Variants in ADAMTSL2 observed in about 807,000 individuals in gnomAD.
The protein encoded by ADAMTSL2 is ADAMTS like 2, also known as ADAMTS-like protein 2.
A neutral mutation model predicts 117.0 loss-of-function variants in ADAMTSL2; 55 were observed. The observed-to-expected ratio is 0.47, with a 90% CI of 0.38 to 0.59. The LOEUF (loss-of-function observed/expected upper bound fraction) is 0.59. ADAMTSL2 is among the 20% of genes least tolerant of loss of function. ADAMTSL2 has a pLI of 0.00. For synonymous variants in ADAMTSL2, 572 were observed against 566.4 expected, an observed-to-expected ratio of 1.01 and a Z score of -0.14; for missense variants, 1,182 against 1,354.5, an observed-to-expected ratio of 0.87 and a Z score of 2.00.
chr9:133,556,676 T>C (rs1830611517), intron 11 of ADAMTSL2, among the ~76,000 whole-genome samples: 1 of 152,174 alleles, frequency 6.6e-6, no homozygotes, highest in Non-Finnish European at 1.5e-5. Flanking sequence ...GGGGCAGCCA[T>C]GTCTGGGGAC....
intron 7 of ADAMTSL2, among the ~76,000 whole-genome samples, chr9:133,544,079 G>A (rs544804210): frequency 6.6e-6 from 1 of 152,368 alleles, no homozygotes; most frequent in African/African-American, 2.4e-5. Context: ...CACAAGACAG[G>A]ATTTTAAAAT....
chr9:133,573,898 G>A lies in ADAMTSL2; in HGVS notation c.2648G>A (p.Gly883Glu), dbSNP rs1831167312. The change falls in exon 18 of 19, where the codon GGG becomes GAG. Residue 883 changes from glycine (G) to glutamate (E), a missense_variant. Physicochemically the swap from Gly to Glu is moderately conservative, Grantham distance 98. Coordinates refer to ENST00000651351, the MANE Select transcript of ADAMTSL2 (RefSeq NM_014694.4). ...ATGCGAGACGTCAAGTGCTACCAGG[G>A]GACCGACATCGTCCGTGGTTGCGAT... ...VRMRDVKCYQ[G>E]TDIVRGCDPL... 2.2e-5 allele frequency: 35 copies of A among 1,614,000 alleles called. No homozygotes were observed. Among genetic ancestry groups the A allele is most frequent in the Non-Finnish European group, 2.2e-5 (26 of 1,180,034 alleles).
chr9:133,547,174 C>T lies in ADAMTSL2; in HGVS notation c.900C>T (p.Ile300=), dbSNP rs2073877. 208,985 of 1,613,854 alleles carry T rather than the reference C, an allele frequency of 0.13. 14,541 individuals carry two copies. Among genetic ancestry groups the T allele is most frequent in the East Asian group, 0.16 (7,039 of 44,868 alleles). ...TCTATGAGACCGGAATCGAGTACAT[C>T]GTGGCACAGGGGCCCACCAACCAGG... The part of the protein sequence containing the change: ...MDVYETGIEY[I]VAQGPTNQGL... The change falls in exon 9 of 19, where the codon ATC becomes ATT. Residue 300 remains isoleucine (I), a synonymous_variant. Transcript: ENST00000651351.
intron 8 of ADAMTSL2, among the ~76,000 whole-genome samples, chr9:133,544,830 C>T (rs1213093949): frequency 6.6e-6 from 1 of 152,150 alleles, no homozygotes; most frequent in Non-Finnish European, 1.5e-5. Flanking sequence ...CTCCCTGTCA[C>T]TCGAGAGCCT....
chr9:133,553,118 C>T (rs1035788597), intron 9 of ADAMTSL2, among the ~76,000 whole-genome samples: 11 of 152,308 alleles, frequency 7.2e-5, no homozygotes, highest in East Asian at 1.9e-4. Context: ...GTCTCTGTGT[C>T]GTCTTCAGGC....
At chr9:133,568,516 C>G in intron 14 of ADAMTSL2, 30 bp downstream of exon 14, 3 of 1,581,510 alleles carry the variant, frequency 1.9e-6, no homozygotes, top group Non-Finnish European at 2.6e-6. Context: ...AGCCGGGGGT[C>G]GGGAAGAGCT....
chr9:133,575,288 G>T lies in ADAMTSL2; in HGVS notation c.*424G>T, dbSNP rs1036483978. On this transcript the variant is annotated 3_prime_UTR_variant, in exon 19 of 19. Coordinates refer to ENST00000651351, the MANE Select transcript of ADAMTSL2 (RefSeq NM_014694.4). ...CTTGCAGGCGAGCCCAACGTGGTGG[G>T]GGGCCTTCCTCCCTCAGAGGCCATG... is the stretch of plus-strand genomic sequence containing the variant. The T allele has an allele frequency of 6.6e-3, 1,585 of 238,944 alleles. 29 individuals carry two copies. Among genetic ancestry groups the T allele is most frequent in the African/African-American group, 0.034 (1,489 of 44,376 alleles). The allele number at this position is 238,944 out of a possible 1,614,324, so 14.8% of individuals were successfully genotyped here.
At chr9:133,563,330 G>A (rs11496976) in intron 12 of ADAMTSL2, among the ~76,000 whole-genome samples, 25,240 of 152,282 alleles carry the variant, frequency 0.17, 2,233 homozygotes, top group Middle Eastern at 0.2. Flanking sequence ...GAGCATGGTG[G>A]TGGGGTGTCA....
intron 9 of ADAMTSL2, among the ~76,000 whole-genome samples, chr9:133,553,040 G>A: frequency 6.6e-6 from 1 of 152,162 alleles, no homozygotes; most frequent in Non-Finnish European, 1.5e-5. Context: ...CTAAGCTATT[G>A]GTCTGGTGGC....
chr9:133,561,138 G>A (rs1477066947), intron 11 of ADAMTSL2, 60 bp from the exon 12 acceptor site: 15 of 1,447,014 alleles, frequency 1.0e-5, no homozygotes, highest in African/African-American at 1.4e-5. Flanking sequence ...CTGAAAAGCC[G>A]GAGCCTGCCG....
At chr9:133,566,551 C>T (rs1009668632) in intron 12 of ADAMTSL2, among the ~76,000 whole-genome samples, 26 of 152,152 alleles carry the variant, frequency 1.7e-4, no homozygotes, top group African/African-American at 5.6e-4. Context: ...GGGCTGGAGC[C>T]GTCAGATGTC....
chr9:133,554,580 A>G lies in ADAMTSL2; in HGVS notation c.1163A>G (p.His388Arg). Residue 388 changes from histidine (H) to arginine (R), a missense_variant, in exon 10 of 19, where the codon CAC becomes CGC. Physicochemically the swap from His to Arg is conservative, Grantham distance 29 (BLOSUM62 0). Transcript: ENST00000651351. This position sits in a 1 kb window ranked among gnomAD's most constrained non-coding sequence, Gnocchi z 5.2. ...GGCCTGGACAACCGGCTGTTCGGCC[A>G]CCCGGGCCTGGACATGGAGCTGGGC... The part of the protein sequence containing the change: ...RLGLDNRLFG[H>R]PGLDMELGPS... The G allele has an allele frequency of 6.5e-7, 1 of 1,546,666 alleles. No homozygotes were observed.
intron 3 of ADAMTSL2, 121 bp from the exon 4 acceptor site, chr9:133,538,228 A>G (rs1830099213): frequency 1.7e-6 from 2 of 1,164,232 alleles, no homozygotes; most frequent in East Asian, 2.3e-5. Flanking sequence ...GTAGGGAGGA[A>G]GGAGCCCTCT....
At chr9:133,573,807 A>G (rs1171510224) in intron 17 of ADAMTSL2, 36 bp from the exon 18 acceptor site, 3 of 1,613,336 alleles carry the variant, frequency 1.9e-6, no homozygotes, top group Admixed American at 1.7e-5. Flanking sequence ...CCCCATCAGG[A>G]GGCTTTCCCC....
In ADAMTSL2 at chr9:133,558,539, A is replaced by G. The variant is rs969625976; in HGVS notation, c.1649+2609A>G. On this transcript the variant is annotated intron_variant, in intron 11 of 18. Transcript: ENST00000651351. This position sits in a 1 kb window ranked among gnomAD's most constrained non-coding sequence, Gnocchi z 4.3. ...AGTCCCTCTCCGCAGCCTTGGGGGG[A>G]GAGAAGAACAGAGCACTTTCTGGCT... is the stretch of plus-strand genomic sequence containing the variant. 4.6e-5 allele frequency among the ~76,000 whole-genome samples: 7 copies of G among 152,056 alleles called. No individual in the cohort carries two copies. The highest frequency in any genetic ancestry group is 7.4e-5 in the Non-Finnish European group (5 of 68,010).
intron 3 of ADAMTSL2, 25 bp from the exon 4 acceptor site, chr9:133,538,324 C>T (rs1400342995): frequency 1.2e-6 from 2 of 1,613,036 alleles, no homozygotes; most frequent in South Asian, 1.1e-5. Flanking sequence ...GCAGCCCTCA[C>T]TCCGAGCCTG....
chr9:133,574,140 C>A (rs1031854734), intron 18 of ADAMTSL2, among the ~76,000 whole-genome samples, 153 bp downstream of exon 18: 1 of 152,172 alleles, frequency 6.6e-6, no homozygotes, highest in Non-Finnish European at 1.5e-5. Flanking sequence ...TGGGGGCTCC[C>A]TCCCGGCATG....
chr9:133,573,524 A>G (rs1379656715), intron 17 of ADAMTSL2, among the ~76,000 whole-genome samples: 1 of 150,744 alleles, frequency 6.6e-6, no homozygotes, highest in Non-Finnish European at 1.5e-5. Context: ...ACGGCCAGCT[A>G]GTGCCTGGAC....
Position 133,543,084 on chromosome 9 carries a change from G to T in ADAMTSL2, c.683-1386G>T, listed in dbSNP as rs573893981. 1.5e-3 allele frequency among the ~76,000 whole-genome samples: 227 copies of T among 151,952 alleles called. 1 individual carries two copies. Among genetic ancestry groups the T allele is most frequent in the Middle Eastern group, 3.4e-3 (1 of 292 alleles). On this transcript the variant is annotated intron_variant, in intron 7 of 18. Coordinates refer to ENST00000651351, the MANE Select transcript of ADAMTSL2 (RefSeq NM_014694.4). ...CTGCCTCAGCCTCTCAAGTAGCGGG[G>T]ATTACAGGCTCCCACCGCCATGCCC... is the stretch of plus-strand genomic sequence containing the variant.
Sources: allele counts gnomAD v4.1 joint callset (sites outside exome capture counted in the v4.1 genomes callset), GRCh38; gene constraint gnomAD v4.1.1; non-coding constraint Gnocchi (gnomAD v3.1); transcripts MANE v1.5; gene names NCBI Gene and HGNC (gene_info 2026-07-23, HGNC 2026-07-21).